Variants in PRKN observed in about 807,000 individuals in gnomAD.
PRKN encodes the protein parkin RBR E3 ubiquitin protein ligase.
Under a neutral mutation model 59.5 loss-of-function variants are expected in PRKN, and 56 were observed. The ratio of observed to expected loss-of-function variants is 0.94; its 90% CI spans 0.76 to 1.18. PRKN has a LOEUF of 1.18. Ranked by LOEUF, PRKN falls within the 50% of genes most tolerant of loss-of-function variation. The pLI is 0.00. For synonymous variants in PRKN, 250 were observed against 222.1 expected (o/e 1.13, Z -1.12); for missense variants, 657 against 596.4 (o/e 1.10, Z -1.06).
intron 2 of PRKN, among the ~76,000 whole-genome samples, chr6:162,437,186 G>A (rs73037826): frequency 0.15 from 22,937 of 152,126 alleles, 2,060 homozygotes; most frequent in East Asian, 0.42. Context: ...GTATGAACAA[G>A]TCTTTAAATG....
At chr6:162,317,098 T>G (rs1304747991) in intron 2 of PRKN, among the ~76,000 whole-genome samples, 1 of 151,842 alleles carries the variant, frequency 6.6e-6, no homozygotes, top group Non-Finnish European at 1.5e-5. Flanking sequence ...CATTCAAACA[T>G]TAAAGCATAT....
intron 2 of PRKN, among the ~76,000 whole-genome samples, chr6:162,386,787 T>G (rs1786844375): frequency 6.6e-6 from 1 of 152,238 alleles, no homozygotes; most frequent in African/African-American, 2.4e-5. Flanking sequence ...TGTATTGAGA[T>G]TCCAATCAAA....
intron 2 of PRKN, among the ~76,000 whole-genome samples, chr6:162,442,446 G>A (rs6923741): frequency 0.35 from 52,902 of 152,034 alleles, 9,535 homozygotes; most frequent in African/African-American, 0.44. Flanking sequence ...ACAAAGAATA[G>A]CGTCAACAAA....
intron 1 of PRKN, among the ~76,000 whole-genome samples, chr6:162,647,349 G>GA (rs1201880928): frequency 6.6e-6 from 1 of 152,026 alleles, no homozygotes; most frequent in Admixed American, 6.5e-5. Flanking sequence ...TGTTTTTGGA[G>GA]AAAAAACATA....
intron 9 of PRKN, among the ~76,000 whole-genome samples, chr6:161,543,141 A>G (rs982356030): frequency 6.6e-6 from 1 of 152,138 alleles, no homozygotes; most frequent in Non-Finnish European, 1.5e-5. Flanking sequence ...TTTGAGTAAA[A>G]GGGTAGGTAT....
intron 4 of PRKN, among the ~76,000 whole-genome samples, chr6:162,118,460 C>A (rs1352055768): frequency 6.6e-6 from 1 of 152,048 alleles, no homozygotes; most frequent in Non-Finnish European, 1.5e-5. Context: ...CAGCTTAGAG[C>A]ATACTACATT....
At position 161,546,626 on chromosome 6, in the gene PRKN, T is replaced by C. The variant is rs1779805137; in HGVS notation, c.1083+2228A>G. On this transcript the variant is annotated intron_variant, in intron 9 of 11. Transcript: ENST00000366898. This position sits in a 1 kb window ranked among gnomAD's most constrained non-coding sequence, Gnocchi z 4.4. ...TTCAGCTTCTTCAAATTGCAAACTG[T>C]GGTGGTTTAAAATACGTTCATAAAT... Among the ~76,000 whole-genome samples, 1 of 152,046 alleles carries C rather than the reference T, an allele frequency of 6.6e-6. No homozygotes were observed. Among genetic ancestry groups the C allele is most frequent in the Non-Finnish European group, 1.5e-5 (1 of 68,022 alleles).
At chr6:161,486,293 T>G (rs900560459) in intron 9 of PRKN, among the ~76,000 whole-genome samples, 3 of 152,212 alleles carry the variant, frequency 2.0e-5, no homozygotes, top group Non-Finnish European at 2.9e-5. Flanking sequence ...TGCACTTTAT[T>G]AAACAGAAAC....
intron 2 of PRKN, among the ~76,000 whole-genome samples, chr6:162,393,157 T>TTTTTTTTTTTTTG (rs1787296071): frequency 8.8e-6 from 1 of 113,634 alleles, no homozygotes; most frequent in Non-Finnish European, 1.7e-5. Context: ...AGGAGATTCT[T>TTTTTTTTTTTTTG]TTTTTTTTTT....
At chr6:161,918,769 C>T (rs570372752) in intron 6 of PRKN, among the ~76,000 whole-genome samples, 4 of 152,152 alleles carry the variant, frequency 2.6e-5, no homozygotes, top group Non-Finnish European at 5.9e-5. Flanking sequence ...ATAGACATTT[C>T]ACTTAACGAG....
intron 4 of PRKN, among the ~76,000 whole-genome samples, chr6:162,180,084 G>C (rs6935949): frequency 6.6e-6 from 1 of 150,496 alleles, no homozygotes; most frequent in Admixed American, 6.6e-5. Context: ...ACATGTGATA[G>C]GTGAAATTCA....
At chr6:162,014,297 T>C (rs896553416) in intron 5 of PRKN, among the ~76,000 whole-genome samples, 1 of 152,192 alleles carries the variant, frequency 6.6e-6, no homozygotes, top group Admixed American at 6.5e-5. Context: ...GCCAGAGCCC[T>C]GCACAGTCAA....
chr6:161,857,264 C>T (rs1793695851), intron 6 of PRKN, among the ~76,000 whole-genome samples: 1 of 152,128 alleles, frequency 6.6e-6, no homozygotes, highest in Admixed American at 6.6e-5. Flanking sequence ...AGTGTTTTGG[C>T]TTTGTAAACC....
At chr6:162,490,288 A>G (rs1273845481) in intron 1 of PRKN, among the ~76,000 whole-genome samples, 1 of 152,246 alleles carries the variant, frequency 6.6e-6, no homozygotes, top group African/African-American at 2.4e-5. Context: ...GAAATATTTA[A>G]GCAAACATTT....
rs898239218 is a variant in PRKN, at chr6:162,500,452, G to A, written c.8-56979C>T. On this transcript the variant is annotated intron_variant, in intron 1 of 11. Coordinates refer to ENST00000366898, the MANE Select transcript of PRKN (RefSeq NM_004562.3). The stretch of plus-strand genomic sequence containing the variant: ...CTCCTAAAGTGCTGGGATTACAGGC[G>A]TGAGCCACTGCGCCCGGCCCAAACA... Among the ~76,000 whole-genome samples, 92 of 152,142 alleles carry A rather than the reference G, an allele frequency of 6.0e-4. 1 individual carries two copies. Among genetic ancestry groups the A allele is most frequent in the Admixed American group, 5.6e-3 (86 of 15,272 alleles).
In PRKN at chr6:161,456,299, C is replaced by T. The variant is rs569599574; in HGVS notation, c.1084-69422G>A. Among the ~76,000 whole-genome samples the T allele has an allele frequency of 2.0e-4, 30 of 152,236 alleles. No individual in the cohort carries two copies. In the South Asian group the frequency reaches 3.3e-3, roughly 17 times the overall value. ...GAAGGCCTAGACTGGCTGAGTCTTC[C>T]GGCTTTCAAATTTCTCTCGCATTGA... is the stretch of plus-strand genomic sequence containing the variant. On this transcript the variant is annotated intron_variant, in intron 9 of 11. Coordinates refer to ENST00000366898, the MANE Select transcript of PRKN (RefSeq NM_004562.3). This position sits in a 1 kb window ranked among gnomAD's most constrained non-coding sequence, Gnocchi z 4.8.
chr6:161,666,488 A>G (rs1784731623), intron 7 of PRKN, among the ~76,000 whole-genome samples: 1 of 152,176 alleles, frequency 6.6e-6, no homozygotes, highest in African/African-American at 2.4e-5. Context: ...CCCTGGTGCC[A>G]AAAAGGTTAG....
intron 1 of PRKN, among the ~76,000 whole-genome samples, chr6:162,552,583 A>G (rs1166785853): frequency 6.6e-6 from 1 of 152,186 alleles, no homozygotes; most frequent in Non-Finnish European, 1.5e-5. Flanking sequence ...TTTCCATGAA[A>G]AAAAGCAAGA....
In PRKN at chr6:161,467,627, T is replaced by C. The variant is rs1282622838; in HGVS notation, c.1084-80750A>G. Among the ~76,000 whole-genome samples, 1 of 152,180 alleles carries C rather than the reference T, an allele frequency of 6.6e-6. No homozygotes were observed. The highest frequency in any genetic ancestry group is 1.5e-5 in the Non-Finnish European group (1 of 68,032). On this transcript the variant is annotated intron_variant, in intron 9 of 11. Coordinates refer to ENST00000366898, the MANE Select transcript of PRKN (RefSeq NM_004562.3). This position sits in a 1 kb window ranked among gnomAD's most constrained non-coding sequence, Gnocchi z 4.3. ...GGATACAGGGAAGGCTTCCTGGAGATGATGACGCTTGAGAGGAGTCTCAAA... is the reference window on the plus strand; with the variant it reads ...GGATACAGGGAAGGCTTCCTGGAGACGATGACGCTTGAGAGGAGTCTCAAA...
Sources: gnomAD v4.1 joint callset for allele counts (sites outside exome capture counted in the v4.1 genomes callset) on GRCh38, gnomAD v4.1.1 for gene constraint, Gnocchi (gnomAD v3.1) non-coding constraint, MANE v1.5 for transcripts, NCBI Gene and HGNC (gene_info 2026-07-23, HGNC 2026-07-21) for gene names.